RUNX1T1: variants seen among roughly 807,000 people sequenced by gnomAD.
The protein encoded by RUNX1T1 is RUNX1 partner transcriptional co-repressor 1.
RUNX1T1 carries 4 observed loss-of-function variants against 62.8 expected under a neutral mutation model. The ratio of observed to expected loss-of-function variants is 0.06; its 90% CI spans 0.03 to 0.15. The LOEUF (loss-of-function observed/expected upper bound fraction) is 0.15, where lower values mean the gene tolerates loss of function less well. Ranked by LOEUF, RUNX1T1 falls within the 10% of genes least tolerant of loss-of-function variation. The pLI is 1.00. For missense variants in RUNX1T1, 508 were observed against 754.3 expected, an observed-to-expected ratio of 0.67 and a Z score of 3.82; for synonymous variants, 291 against 286.0, an observed-to-expected ratio of 1.02 and a Z score of -0.18.
chr8:91,961,685 C>T (rs1810483141), intron 10 of RUNX1T1, among the ~76,000 whole-genome samples: 1 of 152,162 alleles, frequency 6.6e-6, no homozygotes, highest in African/African-American at 2.4e-5. Context: ...GGAGGGGGAC[C>T]TCACAAAGCT....
chr8:92,098,569 GTTGTTTGTCTTTTTT>G (rs1837893103), intron 1 of RUNX1T1, among the ~76,000 whole-genome samples: 1 of 152,190 alleles, frequency 6.6e-6, no homozygotes. Flanking sequence ...CCATGTCTAA[GTTGTTTGTCTTTTTT>G]TTAATATCAA....
Position 92,087,320 on chromosome 8 carries a change from C to A in RUNX1T1, c.-85-11183G>T, listed in dbSNP as rs375858497. On this transcript the variant is annotated intron_variant, in intron 1 of 11. Coordinates refer to the RUNX1T1 transcript ENST00000265814. Reference sequence around the variant, plus strand: ...TCTGCTCTCATTTCCCACTCAACACCCAAGGGCCCTTTTTGCTGCAGCCAC... The same window carrying A: ...TCTGCTCTCATTTCCCACTCAACACACAAGGGCCCTTTTTGCTGCAGCCAC... Among the ~76,000 whole-genome samples the A allele has an allele frequency of 2.0e-4, 31 of 152,140 alleles. No individual in the cohort carries two copies. The East Asian group carries it at 4.6e-3, about 23-fold the overall frequency.
chr8:92,012,831 AAGTCTGC>A (rs67933034), intron 3 of RUNX1T1, among the ~76,000 whole-genome samples: 7,875 of 152,224 alleles, frequency 0.052, 249 homozygotes, highest in South Asian at 0.096. Flanking sequence ...TGTTTAACAG[AAGTCTGC>A]TACTCAATGA....
chr8:91,985,387 A>G (rs908064062), intron 8 of RUNX1T1, among the ~76,000 whole-genome samples: 1 of 152,176 alleles, frequency 6.6e-6, no homozygotes, highest in East Asian at 1.9e-4. Flanking sequence ...TAACCCCAAC[A>G]ATTCCCAAAT....
At chr8:92,008,388 T>TCACA (rs566293413) in intron 4 of RUNX1T1, among the ~76,000 whole-genome samples, 37,259 of 131,650 alleles carry the variant, frequency 0.28, 5,729 homozygotes, top group East Asian at 0.47. Flanking sequence ...TCTCTCTCTC[T>TCACA]CACACACACA....
At chr8:92,028,084 G>GC (rs1369315902) in intron 1 of RUNX1T1, among the ~76,000 whole-genome samples, 3 of 96,534 alleles carry the variant, frequency 3.1e-5, no homozygotes, top group Non-Finnish European at 6.1e-5. Flanking sequence ...AATGGGGGGG[G>GC]GGGTGGGAAG....
At chr8:92,040,400 G>T (rs545874795) in intron 1 of RUNX1T1, among the ~76,000 whole-genome samples, 1 of 152,058 alleles carries the variant, frequency 6.6e-6, no homozygotes, top group Non-Finnish European at 1.5e-5. Flanking sequence ...AAAAGGCCGA[G>T]TCTACATCCT....
At chr8:92,055,667 T>C (rs1830927662) in intron 1 of RUNX1T1, among the ~76,000 whole-genome samples, 1 of 152,194 alleles carries the variant, frequency 6.6e-6, no homozygotes, top group African/African-American at 2.4e-5. Context: ...AACTAAAAAG[T>C]TGGGTTTTGC....
intron 1 of RUNX1T1, among the ~76,000 whole-genome samples, chr8:92,083,906 A>G (rs1233565351): frequency 6.6e-6 from 1 of 152,226 alleles, no homozygotes; most frequent in African/African-American, 2.4e-5. Flanking sequence ...CCACCATGGA[A>G]TACTACGCAG....
At chr8:92,002,912 GA>G (rs1400676322) in intron 5 of RUNX1T1, among the ~76,000 whole-genome samples, 4 of 152,000 alleles carry the variant, frequency 2.6e-5, no homozygotes, top group Non-Finnish European at 5.9e-5. Flanking sequence ...TATGCAAAAA[GA>G]AAAAATACTG....
At chr8:92,017,270 G>C in exon 2 of RUNX1T1, 5 of 1,614,076 alleles carry the variant, frequency 3.1e-6, no homozygotes, top group Non-Finnish European at 4.2e-6. Context: ...TCCTTGAGTA[G>C]TTGGGGGAGG....
Position 92,014,896 on chromosome 8 carries a change from C to T in RUNX1T1, c.146-76G>A, listed in dbSNP as rs1822694234. On this transcript the variant is annotated intron_variant, in intron 2 of 10. Transcript: ENST00000396218. ...CATGAGGAAATTGCCACCAAGTTTC[C>T]TACCTTTTACATCTACTAGTTTTAT... 12 of 1,400,754 alleles carry T rather than the reference C, an allele frequency of 8.6e-6. No homozygotes were observed. The South Asian group carries it at 1.7e-4, about 20-fold the overall frequency. The allele number at this position is 1,400,754 out of a possible 1,614,324, so 86.8% of individuals were successfully genotyped here.
chr8:91,996,660 T>A (rs1046132791), intron 5 of RUNX1T1, among the ~76,000 whole-genome samples: 1 of 152,154 alleles, frequency 6.6e-6, no homozygotes, highest in Non-Finnish European at 1.5e-5. Flanking sequence ...CCGTGTGATC[T>A]CCAGTTACTT....
At chr8:91,987,915 A>G (rs1396548676) in intron 6 of RUNX1T1, among the ~76,000 whole-genome samples, 2 of 152,086 alleles carry the variant, frequency 1.3e-5, no homozygotes, top group Non-Finnish European at 2.9e-5. Flanking sequence ...TTGGTTACCA[A>G]TTTTCAAAAT....
At chr8:91,955,578 C>CAG (rs1809235052), downstream of RUNX1T1, 1 of 226,152 alleles carries the variant, frequency 4.4e-6, no homozygotes, top group Non-Finnish European at 8.8e-6. Context: ...GGCCTTGAAA[C>CAG]AGGAACCCAG....
At chr8:91,998,893 T>C (rs78172420) in intron 5 of RUNX1T1, among the ~76,000 whole-genome samples, 1,712 of 151,856 alleles carry the variant, frequency 0.011, 22 homozygotes, top group African/African-American at 0.039. Context: ...ATTTTTTAAC[T>C]AAACAAAAAA....
At chr8:91,982,686 T>G (rs1308365065) in intron 8 of RUNX1T1, among the ~76,000 whole-genome samples, 1 of 152,188 alleles carries the variant, frequency 6.6e-6, no homozygotes, top group African/African-American at 2.4e-5. Flanking sequence ...CTAATTTTGT[T>G]AAGAGTTGGA....
intron 1 of RUNX1T1, among the ~76,000 whole-genome samples, chr8:92,034,182 A>AT (rs1251766328): frequency 6.6e-6 from 1 of 152,156 alleles, no homozygotes; most frequent in Non-Finnish European, 1.5e-5. Context: ...TTCATATAAC[A>AT]GTGCCTAGCA....
At chr8:92,015,347 G>A (rs1243718350) in intron 2 of RUNX1T1, among the ~76,000 whole-genome samples, 1 of 152,140 alleles carries the variant, frequency 6.6e-6, no homozygotes, top group Non-Finnish European at 1.5e-5. Context: ...CAATTAGAAG[G>A]CTATTTTCTC....
Sources: allele counts gnomAD v4.1 joint callset (sites outside exome capture counted in the v4.1 genomes callset), GRCh38; gene constraint gnomAD v4.1.1; transcripts MANE v1.5; gene names NCBI Gene and HGNC (gene_info 2026-07-23, HGNC 2026-07-21).